The following PTPRD variants were observed in gnomAD, a reference collection of about 807,000 sequenced individuals.
The protein encoded by PTPRD is protein tyrosine phosphatase receptor type D.
Under a neutral mutation model 214.5 loss-of-function variants are expected in PTPRD, and 34 were observed. The observed-to-expected ratio is 0.16, with a 90% confidence interval of 0.12 to 0.21. The LOEUF is 0.21. PTPRD is among the 10% of genes least tolerant of loss of function. The pLI is 1.00. For synonymous variants in PTPRD, 1,128 were observed against 845.7 expected (o/e 1.33, Z -5.79); for missense variants, 2,545 against 2,398.7 (o/e 1.06, Z -1.27).
chr9:9,923,441 A>G (rs1033299679), intron 5 of PTPRD, among the ~76,000 whole-genome samples: 9 of 151,512 alleles, frequency 5.9e-5, no homozygotes, highest in African/African-American at 1.9e-4. Context: ...AGTTGATAAG[A>G]CTAAATTATC....
chr9:9,319,546 T>C (rs1478773356), intron 9 of PTPRD, among the ~76,000 whole-genome samples: 1 of 152,194 alleles, frequency 6.6e-6, no homozygotes, highest in Non-Finnish European at 1.5e-5. Flanking sequence ...ATCGGCTTTG[T>C]AAATTCTACC....
intron 35 of PTPRD, among the ~76,000 whole-genome samples, chr9:8,429,679 G>C (rs1026089091): frequency 6.6e-6 from 1 of 152,136 alleles, no homozygotes; most frequent in Non-Finnish European, 1.5e-5. Flanking sequence ...ATGAGAACAG[G>C]AAGAAACTCA....
At chr9:9,386,098 C>A (rs1204972418) in intron 9 of PTPRD, among the ~76,000 whole-genome samples, 2 of 152,102 alleles carry the variant, frequency 1.3e-5, no homozygotes, top group African/African-American at 4.8e-5. Flanking sequence ...TATTTGTTTA[C>A]CCCAAGCTTA....
At chr9:9,883,136 C>T (rs1267406238) in intron 5 of PTPRD, among the ~76,000 whole-genome samples, 3 of 152,062 alleles carry the variant, frequency 2.0e-5, no homozygotes, top group Non-Finnish European at 4.4e-5. Flanking sequence ...TTTACAGCAA[C>T]GCAAAATGAA....
intron 43 of PTPRD, among the ~76,000 whole-genome samples, chr9:8,337,261 T>C (rs1376073546): frequency 6.6e-6 from 1 of 152,038 alleles, no homozygotes; most frequent in Non-Finnish European, 1.5e-5. Context: ...TGGAATATTA[T>C]GGTGAGTGAG....
chr9:10,065,424 G>A (rs958960572), intron 3 of PTPRD, among the ~76,000 whole-genome samples: 2 of 151,840 alleles, frequency 1.3e-5, no homozygotes, highest in African/African-American at 4.8e-5. Flanking sequence ...TTCATGCTTT[G>A]AAGCAAGAAC....
At chr9:8,546,365 T>C (rs2080144698) in intron 14 of PTPRD, among the ~76,000 whole-genome samples, 1 of 152,236 alleles carries the variant, frequency 6.6e-6, no homozygotes, top group Non-Finnish European at 1.5e-5. Flanking sequence ...TGCCCTATAA[T>C]GTTGTGAAAT....
intron 35 of PTPRD, among the ~76,000 whole-genome samples, chr9:8,425,394 T>G (rs1430164924): frequency 6.6e-6 from 1 of 152,106 alleles, no homozygotes; most frequent in Non-Finnish European, 1.5e-5. Flanking sequence ...TATATTGTTA[T>G]GACCTTTCAA....
At chr9:9,507,137 T>G (rs181329648) in intron 8 of PTPRD, among the ~76,000 whole-genome samples, 4 of 151,506 alleles carry the variant, frequency 2.6e-5, no homozygotes, top group African/African-American at 9.6e-5. Flanking sequence ...AAAAAGAATT[T>G]GAATGGCATC....
intron 3 of PTPRD, among the ~76,000 whole-genome samples, chr9:10,246,192 G>C (rs1454846838): frequency 6.6e-6 from 1 of 152,030 alleles, no homozygotes; most frequent in Non-Finnish European, 1.5e-5. Context: ...TTTAAAGTAT[G>C]AGTCTCTGTA....
chr9:10,560,505 A>T lies in PTPRD; in HGVS notation c.-600+51893T>A, dbSNP rs185713137. 6.6e-5 allele frequency among the ~76,000 whole-genome samples: 10 copies of T among 152,262 alleles called. No individual in the cohort carries two copies. In the East Asian group the frequency reaches 1.9e-3, roughly 29 times the overall value. On this transcript the variant is annotated intron_variant, in intron 2 of 45. Transcript: ENST00000381196. ...GCGCACCAGCATGGCACATGTATAC[A>T]TATGTAACTAACCTGCACATTGTGC... is the stretch of plus-strand genomic sequence containing the variant.
chr9:9,562,155 TA>T (rs1416700825), intron 8 of PTPRD, among the ~76,000 whole-genome samples: 5 of 152,202 alleles, frequency 3.3e-5, no homozygotes, highest in African/African-American at 1.2e-4. Context: ...TTCTTATTTT[TA>T]TTTTTTGGTA....
At chr9:8,512,102 A>C (rs1035038600) in intron 21 of PTPRD, among the ~76,000 whole-genome samples, 2 of 152,090 alleles carry the variant, frequency 1.3e-5, no homozygotes, top group African/African-American at 4.8e-5. Context: ...ATACTAGAAA[A>C]CCCATGATTG....
chr9:8,922,745 C>G (rs974555738), intron 11 of PTPRD, among the ~76,000 whole-genome samples: 2 of 152,168 alleles, frequency 1.3e-5, no homozygotes, highest in Non-Finnish European at 1.5e-5. Context: ...CTCCCGGGTT[C>G]AAGCAATTCT....
chr9:10,205,615 C>T (rs1383369883), intron 3 of PTPRD, among the ~76,000 whole-genome samples: 2 of 151,980 alleles, frequency 1.3e-5, no homozygotes, highest in Non-Finnish European at 2.9e-5. Flanking sequence ...CTATGTTGTT[C>T]AGGCTGGTCT....
At chr9:9,210,148 G>A (rs2099947583) in intron 9 of PTPRD, among the ~76,000 whole-genome samples, 1 of 152,008 alleles carries the variant, frequency 6.6e-6, no homozygotes, top group African/African-American at 2.4e-5. Context: ...ATCCTCCAAA[G>A]CTCCTCACAA....
At chr9:9,778,341 C>G (rs1565190501) in intron 5 of PTPRD, among the ~76,000 whole-genome samples, 1 of 152,138 alleles carries the variant, frequency 6.6e-6, no homozygotes, top group African/African-American at 2.4e-5. Context: ...GCTGTGTCCT[C>G]CATGAATATG....
intron 7 of PTPRD, among the ~76,000 whole-genome samples, chr9:9,695,209 G>T (rs2097350453): frequency 6.6e-6 from 1 of 152,098 alleles, no homozygotes; most frequent in Non-Finnish European, 1.5e-5. Flanking sequence ...TCCCTCCAAG[G>T]CACTGGGTTC....
chr9:8,979,779 T>G (rs931730438), intron 11 of PTPRD, among the ~76,000 whole-genome samples: 1 of 152,094 alleles, frequency 6.6e-6, no homozygotes, highest in African/African-American at 2.4e-5. Context: ...TAGTACACTG[T>G]TCATGGGAAT....
Sources: allele counts gnomAD v4.1 joint callset (sites outside exome capture counted in the v4.1 genomes callset), GRCh38; gene constraint gnomAD v4.1.1; transcripts MANE v1.5; gene names NCBI Gene and HGNC (gene_info 2026-07-23, HGNC 2026-07-21).